Variants in TRPA1 observed in about 807,000 individuals in gnomAD.
TRPA1 encodes ankyrin-like with transmembrane domains 1.
A neutral mutation model predicts 131.3 loss-of-function variants in TRPA1; 129 were observed. That is an observed-to-expected ratio of 0.98 (90% CI 0.85 to 1.14). TRPA1 has a LOEUF of 1.14. Ranked by LOEUF, TRPA1 falls within the 50% of genes most tolerant of loss-of-function variation. The pLI is 0.00. For synonymous variants in TRPA1, 441 were observed against 451.7 expected (o/e 0.98, Z 0.30); for missense variants, 1,304 against 1,354.2 (o/e 0.96, Z 0.58).
rs769935453 is a variant in TRPA1, at chr8:72,022,905, G to A, written c.*1C>T. 8.7e-6 allele frequency: 14 copies of A among 1,613,456 alleles called. No individual in the cohort carries two copies. Among genetic ancestry groups the A allele is most frequent in the Non-Finnish European group, 1.2e-5 (14 of 1,179,672 alleles). ...AGAAGCCTCACTGAAGGTCTGAGGAGCTAAGGCTCAAGATGGTGTGTTTTT... is the reference window on the plus strand; with the variant it reads ...AGAAGCCTCACTGAAGGTCTGAGGAACTAAGGCTCAAGATGGTGTGTTTTT... On this transcript the variant is annotated 3_prime_UTR_variant, in exon 27 of 27. Transcript: ENST00000262209.
chr8:72,071,625 C>G (rs2129436762), intron 2 of TRPA1, 86 bp downstream of exon 2: 1 of 1,477,882 alleles, frequency 6.8e-7, no homozygotes, highest in South Asian at 1.1e-5. Context: ...GCACTAATTA[C>G]CCTTAAAAAT....
At chr8:72,052,519 TTTCTC>T in intron 14 of TRPA1, 75 bp downstream of exon 14, 2 of 1,569,180 alleles carry the variant, frequency 1.3e-6, no homozygotes, top group Middle Eastern at 1.7e-4. Context: ...AATCATTTCT[TTTCTC>T]TTATTTTGTC....
At chr8:72,083,389 C>G in the TRPA1 span, among the ~76,000 whole-genome samples, 4 of 152,046 alleles carry the variant, frequency 2.6e-5, no homozygotes, top group Non-Finnish European at 5.9e-5. Flanking sequence ...TGGCTTATAA[C>G]TGGACGTTTT....
At chr8:72,065,698 C>A in intron 3 of TRPA1, 140 bp from the exon 4 acceptor site, 1 of 688,770 alleles carries the variant, frequency 1.5e-6, no homozygotes, top group Non-Finnish European at 2.6e-6. Flanking sequence ...CACAATCTGG[C>A]ACAAAATCTT....
intron 15 of TRPA1, among the ~76,000 whole-genome samples, chr8:72,048,152 T>C (rs1468953246): frequency 1.3e-5 from 2 of 152,148 alleles, no homozygotes; most frequent in Non-Finnish European, 2.9e-5. Context: ...GAGCCACCTC[T>C]ATGGTGTGTG....
At chr8:72,079,352 C>G (rs1806245849), upstream of TRPA1, among the ~76,000 whole-genome samples, 1 of 151,890 alleles carries the variant, frequency 6.6e-6, no homozygotes, top group African/African-American at 2.4e-5. Flanking sequence ...AGTGTCAGCT[C>G]TTAACTAGAT....
At chr8:72,029,382 G>A (rs544176789) in intron 24 of TRPA1, among the ~76,000 whole-genome samples, 3 of 152,060 alleles carry the variant, frequency 2.0e-5, no homozygotes, top group Non-Finnish European at 4.4e-5. Context: ...GATTGTTCTC[G>A]GACATTTTTT....
At chr8:72,087,952 A>T in the TRPA1 span, among the ~76,000 whole-genome samples, 4 of 152,194 alleles carry the variant, frequency 2.6e-5, no homozygotes, top group Non-Finnish European at 5.9e-5. Context: ...TTCTGGGAAC[A>T]GGAGCTCCTT....
Position 72,061,655 on chromosome 8 carries a change from G to A in TRPA1, c.914C>T (p.Thr305Ile), listed in dbSNP as rs770549732. ...YSGSVDIVNT[T>I]DGCHETMLHR... ...AAGCATGGTCTCATGACATCCATCGGTTGTGTTAACAATATCCACGCTACC... is the reference window on the plus strand; with the variant it reads ...AAGCATGGTCTCATGACATCCATCGATTGTGTTAACAATATCCACGCTACC... Residue 305 changes from threonine (T) to isoleucine (I), a missense_variant, in exon 7 of 27, where the codon ACC becomes ATC. Coordinates refer to ENST00000262209, the MANE Select transcript of TRPA1 (RefSeq NM_007332.3). 1.2e-6 allele frequency: 2 copies of A among 1,614,024 alleles called. No homozygotes were observed. Among genetic ancestry groups the A allele is most frequent in the South Asian group, 2.2e-5 (2 of 91,082 alleles).
Position 72,036,304 on chromosome 8 carries a change from A to C in TRPA1, c.2539T>G (p.Leu847Val). The C allele has an allele frequency of 6.2e-7, 1 of 1,614,108 alleles. No homozygotes were observed. The highest frequency in any genetic ancestry group is 8.5e-7 in the Non-Finnish European group (1 of 1,179,990). ...IAVYFYWMNF[L>V]LYLQRFENCG... ...TTGTTTTACCTTTGAAGATACAATA[A>C]GAAATTCATCCAATAGAAGTAAACA... The change falls in exon 21 of 27, where the codon TTA becomes GTA. Residue 847 changes from leucine (L) to valine (V), a missense_variant. Coordinates refer to ENST00000262209, the MANE Select transcript of TRPA1 (RefSeq NM_007332.3).
intron 9 of TRPA1, 123 bp downstream of exon 9, chr8:72,057,594 G>A (rs1805701092): frequency 1.3e-6 from 1 of 797,090 alleles, no homozygotes; most frequent in Non-Finnish European, 2.2e-6. Flanking sequence ...CACAACACCT[G>A]GCCCAGGGCC....
At chr8:72,037,298 A>AAAGAC (rs1421364205) in intron 20 of TRPA1, among the ~76,000 whole-genome samples, 1 of 152,150 alleles carries the variant, frequency 6.6e-6, no homozygotes, top group Non-Finnish European at 1.5e-5. Flanking sequence ...GTGTTGTATA[A>AAAGAC]AAGACATATG....
intron 15 of TRPA1, among the ~76,000 whole-genome samples, chr8:72,047,548 T>C (rs1390323556): frequency 6.6e-6 from 1 of 152,120 alleles, no homozygotes; most frequent in Non-Finnish European, 1.5e-5. Flanking sequence ...AGATTACAGG[T>C]TGAGCAATCC....
intron 7 of TRPA1, among the ~76,000 whole-genome samples, chr8:72,061,229 T>TG (rs1218400608): frequency 6.6e-6 from 1 of 152,126 alleles, no homozygotes; most frequent in Non-Finnish European, 1.5e-5. Context: ...GGGATTAGTG[T>TG]GGGGGTGACA....
Position 72,047,149 on chromosome 8 carries a change from T to C in TRPA1, c.1964A>G (p.Tyr655Cys). 1 of 1,603,004 alleles carries C rather than the reference T, an allele frequency of 6.2e-7. No individual in the cohort carries two copies. The highest frequency in any genetic ancestry group is 8.5e-7 in the Non-Finnish European group (1 of 1,171,406). The change falls in exon 16 of 27, where the codon TAT (tyrosine) becomes TGT (cysteine). Residue 655 changes from tyrosine (Y) to cysteine (C), a missense_variant and splice_region_variant. Transcript: ENST00000262209. ...STEDKSCRDYYIEYNFKYLQC... is the reference protein window; with the variant it reads ...STEDKSCRDYCIEYNFKYLQC... ...ATAATGATGATAAAATAAACTTACA[T>C]AATAGTCTCGGCAGGACTTGTCTTC... is the stretch of plus-strand genomic sequence containing the variant.
intron 10 of TRPA1, 30 bp from the exon 11 acceptor site, chr8:72,055,885 A>T: frequency 1.2e-6 from 2 of 1,607,306 alleles, no homozygotes; most frequent in East Asian, 4.5e-5. Context: ...TCATACAAAT[A>T]ACTCTGCTAT....
chr8:72,042,931 AAT>A (rs1249582839), intron 17 of TRPA1, among the ~76,000 whole-genome samples: 1 of 151,898 alleles, frequency 6.6e-6, no homozygotes, highest in African/African-American at 2.4e-5. Flanking sequence ...GTTACTGTTT[AAT>A]AAGTATAGAG....
chr8:72,075,388 T>C lies in TRPA1; in HGVS notation c.22A>G (p.Met8Val). The change falls in exon 1 of 27, where the codon ATG becomes GTG. Residue 8 changes from methionine to valine, a missense_variant. Met to Val is a conservative substitution (Grantham distance 21). Coordinates refer to ENST00000262209, the MANE Select transcript of TRPA1 (RefSeq NM_007332.3). ...TCCTTCTTTTCTCCAGGGCGCCACA[T>C]CTTCCTCAGGCTGCGCTTCATTGAC... MKRSLRK[M>V]WRPGEKKEPQ... The C allele has an allele frequency of 6.2e-7, 1 of 1,610,112 alleles. No homozygotes were observed. The highest frequency in any genetic ancestry group is 8.5e-7 in the Non-Finnish European group (1 of 1,179,768).
intron 12 of TRPA1, 98 bp from the exon 13 acceptor site, chr8:72,053,965 A>G: frequency 1.3e-6 from 1 of 798,646 alleles, no homozygotes; most frequent in East Asian, 2.7e-5. Context: ...TGATGACAAC[A>G]AAAAGCATTA....
Sources: gnomAD v4.1 joint callset for allele counts (sites outside exome capture counted in the v4.1 genomes callset) on GRCh38, gnomAD v4.1.1 for gene constraint, MANE v1.5 for transcripts, NCBI Gene and HGNC (gene_info 2026-07-23, HGNC 2026-07-21) for gene names.